The following MMAA variants were observed in gnomAD, a reference collection of about 807,000 sequenced individuals.
MMAA encodes the protein metabolism of cobalamin associated A.
MMAA carries 41 observed loss-of-function variants against 45.0 expected under a neutral mutation model. The ratio of observed to expected loss-of-function variants is 0.91; its 90% confidence interval spans 0.71 to 1.18. The LOEUF is 1.18. MMAA is among the 50% of genes most tolerant of loss of function. MMAA has a pLI of 0.00. For synonymous variants in MMAA, 154 were observed against 178.2 expected (o/e 0.86, Z 1.08); for missense variants, 460 against 495.7 (o/e 0.93, Z 0.68).
chr4:145,639,532 A>T lies in MMAA; in HGVS notation c.393A>T (p.Arg131Ser), dbSNP rs371714495. 91 of 1,610,574 alleles carry T rather than the reference A, an allele frequency of 5.7e-5. No homozygotes were observed. The African/African-American group carries it at 1.1e-3, about 20-fold the overall frequency. ...VLLQKVLLYH[R>S]EQEQSNKGKP... ...TTCAGAAAGTATTACTTTACCACAG[A>T]GAACAAGAACAATCAAATAAAGGAA... Residue 131 changes from arginine to serine, a missense_variant, in exon 2 of 7, where the codon AGA becomes AGT. Arg to Ser is a moderately radical substitution (Grantham distance 110). Coordinates refer to ENST00000649156, the MANE Select transcript of MMAA (RefSeq NM_172250.3).
At chr4:145,639,851 A>T (rs1410402282) in intron 2 of MMAA, 1 of 982,448 alleles carries the variant, frequency 1.0e-6, no homozygotes, top group East Asian at 1.1e-4. Context: ...AGAAATATTC[A>T]TAGGAAGAAC....
chr4:145,647,751 C>T (rs1374320196), intron 4 of MMAA, among the ~76,000 whole-genome samples: 1 of 152,218 alleles, frequency 6.6e-6, no homozygotes, highest in Non-Finnish European at 1.5e-5. Context: ...TGGATTAAGG[C>T]CCTACCCTTA....
At chr4:145,639,695 G>T in intron 2 of MMAA, 117 bp downstream of exon 2, 1 of 1,443,772 alleles carries the variant, frequency 6.9e-7, no homozygotes. Context: ...CACAATATTT[G>T]GATGAATTTT....
chr4:145,630,073 A>G (rs970454599), intron 1 of MMAA, among the ~76,000 whole-genome samples: 1 of 152,222 alleles, frequency 6.6e-6, no homozygotes, highest in Admixed American at 6.5e-5. Context: ...TAATTTCAGT[A>G]AGATTGGTAT....
At chr4:145,624,918 C>T in intron 1 of MMAA, 1 of 1,460,290 alleles carries the variant, frequency 6.8e-7, no homozygotes, top group African/African-American at 1.4e-5. Flanking sequence ...GTCATGCAGG[C>T]ACTTAGATTG....
chr4:145,639,954 T>A, intron 2 of MMAA: 1 of 568,530 alleles, frequency 1.8e-6, no homozygotes, highest in Non-Finnish European at 2.2e-6. Flanking sequence ...CAACTATAAT[T>A]ATCACGTTTG....
At chr4:145,632,945 T>G (rs1236442259) in intron 1 of MMAA, among the ~76,000 whole-genome samples, 1 of 151,678 alleles carries the variant, frequency 6.6e-6, no homozygotes, top group African/African-American at 2.4e-5. Flanking sequence ...GAAATGGGGT[T>G]TTGCCATGTT....
intron 3 of MMAA, 44 bp from the exon 4 acceptor site, chr4:145,645,942 C>G: frequency 6.3e-7 from 1 of 1,599,602 alleles, no homozygotes. Context: ...ATAATTGACC[C>G]GTAAAACTGT....
At chr4:145,649,543 G>A (rs1481481035) in intron 4 of MMAA, among the ~76,000 whole-genome samples, 1 of 152,186 alleles carries the variant, frequency 6.6e-6, no homozygotes, top group East Asian at 1.9e-4. Flanking sequence ...AAGAGGTATA[G>A]CTGAATTAGC....
rs780768376 is a variant in MMAA, at chr4:145,642,359, G to A, written c.440-4G>A. ...TTGAATTAGAAGATCTCTTTCCACC[G>A]TAGGATTGTCTGGGCCCCCTGGTGC... is the stretch of plus-strand genomic sequence containing the variant. On this transcript the variant is annotated splice_polypyrimidine_tract_variant and splice_region_variant and intron_variant, in intron 2 of 6. Coordinates refer to ENST00000649156, the MANE Select transcript of MMAA (RefSeq NM_172250.3). 95 of 1,613,576 alleles carry A rather than the reference G, an allele frequency of 5.9e-5. No homozygotes were observed. Among genetic ancestry groups the A allele is most frequent in the Non-Finnish European group, 7.2e-5 (85 of 1,179,878 alleles).
intron 2 of MMAA, 100 bp from the exon 3 acceptor site, chr4:145,642,263 T>C (rs756756914): frequency 5.1e-5 from 67 of 1,302,462 alleles, no homozygotes; most frequent in Non-Finnish European, 6.7e-5. Context: ...TTTAATACAT[T>C]AGGGGAAATA....
In MMAA at chr4:145,639,392, T is replaced by C; in HGVS notation, c.253T>C (p.Phe85Leu). 1 of 1,614,150 alleles carries C rather than the reference T, an allele frequency of 6.2e-7. No homozygotes were observed. Among genetic ancestry groups the C allele is most frequent in the Non-Finnish European group, 8.5e-7 (1 of 1,180,024 alleles). ...TEGLSDKEQRFVDKLYTGLIQ... is the reference protein window; with the variant it reads ...TEGLSDKEQRLVDKLYTGLIQ... ...AGGACTTTCTGATAAAGAGCAAAGA[T>C]TTGTGGATAAACTTTATACTGGTTT... Residue 85 changes from phenylalanine (F) to leucine (L), a missense_variant, in exon 2 of 7, where the codon TTT becomes CTT. By Grantham distance (22) the Phe-to-Leu change is conservative. Transcript: ENST00000649156.
At chr4:145,630,771 T>G (rs940574156) in intron 1 of MMAA, among the ~76,000 whole-genome samples, 1 of 152,238 alleles carries the variant, frequency 6.6e-6, no homozygotes, top group African/African-American at 2.4e-5. Flanking sequence ...TTTCTTCTTT[T>G]TTAATGTAGG....
chr4:145,631,895 T>A, intron 1 of MMAA, among the ~76,000 whole-genome samples: 1 of 152,346 alleles, frequency 6.6e-6, no homozygotes, highest in East Asian at 1.9e-4. Context: ...ACTGTTTATA[T>A]AAACAAATGA....
At chr4:145,644,981 A>T (rs1401805123) in intron 3 of MMAA, among the ~76,000 whole-genome samples, 1 of 152,222 alleles carries the variant, frequency 6.6e-6, no homozygotes, top group African/African-American at 2.4e-5. Flanking sequence ...AAGAGATAAG[A>T]ATTAAAAATA....
intron 2 of MMAA, 80 bp from the exon 3 acceptor site, chr4:145,642,283 C>T: frequency 1.4e-6 from 2 of 1,466,832 alleles, no homozygotes; most frequent in Non-Finnish European, 1.9e-6. Context: ...AGAAGGTAGT[C>T]TAATATTTTA....
At position 145,655,625 on chromosome 4, in the gene MMAA, T is replaced by TGTTTTATGTTACTG. The variant is rs1455805483; in HGVS notation, c.*192_*205dup. On this transcript the variant is annotated 3_prime_UTR_variant, in exon 7 of 7. Coordinates refer to ENST00000649156, the MANE Select transcript of MMAA (RefSeq NM_172250.3). ...AGTTAGGCAGTATTTATAAGGTACC[T>TGTTTTATGTTACTG]GTTTTATGTTACTGATATCTGTTTC... 3.2e-5 allele frequency: 18 copies of TGTTTTATGTTACTG among 554,698 alleles called. No homozygotes were observed. Among genetic ancestry groups the TGTTTTATGTTACTG allele is most frequent in the Non-Finnish European group, 5.3e-5 (17 of 320,612 alleles). 34.4% of individuals were successfully genotyped at this position (554,698 alleles called of 1,614,324 possible).
intron 1 of MMAA, among the ~76,000 whole-genome samples, chr4:145,636,590 G>C (rs576561514): frequency 1.3e-5 from 2 of 152,246 alleles, no homozygotes; most frequent in African/African-American, 4.8e-5. Context: ...GAGATGACAG[G>C]GAAGAGACCA....
chr4:145,623,848 A>G (rs1001777990), intron 1 of MMAA, among the ~76,000 whole-genome samples: 13 of 152,316 alleles, frequency 8.5e-5, no homozygotes, highest in Non-Finnish European at 1.3e-4. Flanking sequence ...TAACGACCTG[A>G]TCTAAGGAGC....
Sources: gnomAD v4.1 joint callset for allele counts (sites outside exome capture counted in the v4.1 genomes callset) on GRCh38, gnomAD v4.1.1 for gene constraint, MANE v1.5 for transcripts, NCBI Gene and HGNC (gene_info 2026-07-23, HGNC 2026-07-21) for gene names.